CHCHD6: variants seen among roughly 807,000 people sequenced by gnomAD.
The protein encoded by CHCHD6 is coiled-coil-helix-coiled-coil-helix domain containing 6, also known as MICOS complex subunit MIC25.
CHCHD6 carries 28 observed loss-of-function variants against 32.3 expected under a neutral mutation model. The observed-to-expected ratio is 0.87, with a 90% confidence interval of 0.64 to 1.19. CHCHD6 has a LOEUF of 1.19. CHCHD6 is among the 50% of genes most tolerant of loss of function. The pLI is 0.00. For synonymous variants in CHCHD6, 122 were observed against 117.5 expected (o/e 1.04, Z -0.25); for missense variants, 333 against 307.0 (o/e 1.08, Z -0.63).
chr3:126,784,901 C>G (rs1015256698), intron 4 of CHCHD6, among the ~76,000 whole-genome samples: 59 of 152,162 alleles, frequency 3.9e-4, no homozygotes, highest in African/African-American at 1.4e-3. Context: ...CCTATTGATT[C>G]CTTTTCCTTA....
chr3:126,935,948 G>A (rs976145403), intron 6 of CHCHD6, among the ~76,000 whole-genome samples: 3 of 152,212 alleles, frequency 2.0e-5, no homozygotes, highest in Admixed American at 6.5e-5. Context: ...TTTTGCTTGG[G>A]ACTGATGTGG....
chr3:126,907,760 C>G (rs1386791694), intron 5 of CHCHD6, among the ~76,000 whole-genome samples: 1 of 152,212 alleles, frequency 6.6e-6, no homozygotes, highest in African/African-American at 2.4e-5. Context: ...TTCCAACCTG[C>G]ACTAATTTTG....
chr3:126,837,768 C>T (rs1940919355), intron 4 of CHCHD6, among the ~76,000 whole-genome samples: 1 of 152,178 alleles, frequency 6.6e-6, no homozygotes, highest in Admixed American at 6.5e-5. Context: ...TGACCAATAT[C>T]TAGGTGTTGC....
At chr3:126,707,320 C>T (rs193295316) in intron 1 of CHCHD6, among the ~76,000 whole-genome samples, 1 of 151,550 alleles carries the variant, frequency 6.6e-6, no homozygotes, top group East Asian at 1.9e-4. Context: ...ACTTAGTTTG[C>T]ATAAATTCAC....
At chr3:126,906,633 C>T (rs538658229) in intron 5 of CHCHD6, among the ~76,000 whole-genome samples, 5 of 152,226 alleles carry the variant, frequency 3.3e-5, no homozygotes, top group African/African-American at 1.2e-4. Context: ...GAGGGATGAG[C>T]CTTCCCTAGC....
chr3:126,897,600 G>A (rs561993395), intron 5 of CHCHD6, among the ~76,000 whole-genome samples: 2 of 152,170 alleles, frequency 1.3e-5, no homozygotes, highest in African/African-American at 2.4e-5. Flanking sequence ...ACTCACTGGC[G>A]CTGTGACCTT....
intron 5 of CHCHD6, among the ~76,000 whole-genome samples, chr3:126,910,496 T>C (rs2078074154): frequency 1.3e-5 from 2 of 152,154 alleles, no homozygotes. Context: ...CTCGCACTGC[T>C]GCCTGTGTTC....
intron 6 of CHCHD6, among the ~76,000 whole-genome samples, chr3:126,918,922 T>A (rs2078206770): frequency 6.6e-6 from 1 of 152,354 alleles, no homozygotes; most frequent in East Asian, 1.9e-4. Context: ...TATAAATGAG[T>A]TAAAATTTTT....
chr3:126,736,264 G>A lies in CHCHD6; in HGVS notation c.411+3042G>A, dbSNP rs72978821. 6.7e-3 allele frequency among the ~76,000 whole-genome samples: 1,022 copies of A among 152,342 alleles called. 8 individuals carry two copies. The highest frequency in any genetic ancestry group is 0.023 in the African/African-American group (973 of 41,574). On this transcript the variant is annotated intron_variant, in intron 4 of 7. Transcript: ENST00000290913. ...AGGTGGCTAGTTGGCAGCCTGCTGC[G>A]TGGAGTGCTGAAGGGACTGGTGGTG...
intron 5 of CHCHD6, among the ~76,000 whole-genome samples, chr3:126,909,312 G>C (rs1421703411): frequency 6.6e-6 from 1 of 152,158 alleles, no homozygotes; most frequent in East Asian, 1.9e-4. Flanking sequence ...CAGACCTCTG[G>C]GCCCCATGTC....
chr3:126,749,207 G>A (rs1167712729), intron 4 of CHCHD6, among the ~76,000 whole-genome samples: 2 of 152,166 alleles, frequency 1.3e-5, no homozygotes, highest in East Asian at 1.9e-4. Context: ...GCAGCAGGGA[G>A]CATGTGAAAG....
At chr3:126,751,708 T>C (rs1306008889) in intron 4 of CHCHD6, among the ~76,000 whole-genome samples, 19 of 152,164 alleles carry the variant, frequency 1.2e-4, no homozygotes. Flanking sequence ...CAGCATGGTG[T>C]GAATTCAGGA....
At chr3:126,745,621 A>G (rs1936466369) in intron 4 of CHCHD6, among the ~76,000 whole-genome samples, 1 of 152,172 alleles carries the variant, frequency 6.6e-6, no homozygotes, top group South Asian at 2.1e-4. Context: ...TGAGTGCAGG[A>G]ATGCTGGCTG....
At chr3:126,712,808 C>T (rs1217445829) in intron 1 of CHCHD6, among the ~76,000 whole-genome samples, 1 of 152,204 alleles carries the variant, frequency 6.6e-6, no homozygotes, top group Non-Finnish European at 1.5e-5. Flanking sequence ...TTCTAAATGA[C>T]CCTGCCAGCA....
At chr3:126,952,767 G>A (rs577944355) in intron 6 of CHCHD6, among the ~76,000 whole-genome samples, 2 of 152,336 alleles carry the variant, frequency 1.3e-5, no homozygotes, top group East Asian at 3.9e-4. Context: ...AGAAGGTCCA[G>A]GAGAGGTGGT....
intron 6 of CHCHD6, among the ~76,000 whole-genome samples, chr3:126,945,210 T>C (rs1303778145): frequency 6.6e-6 from 1 of 151,932 alleles, no homozygotes; most frequent in Non-Finnish European, 1.5e-5. Flanking sequence ...GAACTGGCCA[T>C]GTGCTTGTGT....
intron 3 of CHCHD6, among the ~76,000 whole-genome samples, chr3:126,731,444 A>G (rs1396205866): frequency 1.3e-5 from 2 of 152,232 alleles, no homozygotes; most frequent in African/African-American, 4.8e-5. Context: ...AACTTGAAAT[A>G]TCACTGCATC....
intron 5 of CHCHD6, among the ~76,000 whole-genome samples, chr3:126,907,199 C>T (rs2078020202): frequency 6.6e-6 from 1 of 152,172 alleles, no homozygotes; most frequent in Non-Finnish European, 1.5e-5. Flanking sequence ...GCTGACTTTG[C>T]ATTGACTGTA....
At chr3:126,712,374 A>G (rs1934790388) in intron 1 of CHCHD6, among the ~76,000 whole-genome samples, 1 of 152,226 alleles carries the variant, frequency 6.6e-6, no homozygotes, top group Non-Finnish European at 1.5e-5. Context: ...TATGATCCTC[A>G]TATATGATGA....
Sources: allele counts gnomAD v4.1 joint callset (sites outside exome capture counted in the v4.1 genomes callset), GRCh38; gene constraint gnomAD v4.1.1; transcripts MANE v1.5; gene names NCBI Gene and HGNC (gene_info 2026-07-23, HGNC 2026-07-21).